Variants in PIBF1 observed in about 807,000 individuals in gnomAD.
The protein encoded by PIBF1 is progesterone-induced-blocking factor 1.
In PIBF1, 90 loss-of-function variants were observed where a neutral mutation model predicts 112.5. That is an observed-to-expected ratio of 0.80 (90% CI 0.67 to 0.95). The LOEUF is 0.95. Ranked by LOEUF, PIBF1 falls within the 40% of genes least tolerant of loss-of-function variation. The probability of loss-of-function intolerance (pLI) is 0.00; values close to 1 mark genes in which losing one functional copy is unlikely to be tolerated. For synonymous variants in PIBF1, 301 were observed against 288.6 expected (o/e 1.04, Z -0.44); for missense variants, 915 against 852.3 (o/e 1.07, Z -0.92).
chr13:72,811,365 G>T (rs145925298), intron 5 of PIBF1, among the ~76,000 whole-genome samples: 1,525 of 152,238 alleles, frequency 0.01, 11 homozygotes, highest in Admixed American at 0.024. Flanking sequence ...CACTCTGGGA[G>T]CCCAATGTGG....
At chr13:72,945,056 C>G (rs1466740118) in intron 14 of PIBF1, among the ~76,000 whole-genome samples, 1 of 152,136 alleles carries the variant, frequency 6.6e-6, no homozygotes. Context: ...TCCCTCTCCC[C>G]ATTGCTAGTT....
At chr13:72,910,622 G>A (rs2040862277) in intron 12 of PIBF1, among the ~76,000 whole-genome samples, 1 of 152,114 alleles carries the variant, frequency 6.6e-6, no homozygotes, top group Non-Finnish European at 1.5e-5. Flanking sequence ...GACATATTAA[G>A]TGCTGTATTT....
chr13:72,855,004 T>C (rs1298832969), intron 10 of PIBF1, among the ~76,000 whole-genome samples: 1 of 152,216 alleles, frequency 6.6e-6, no homozygotes, highest in African/African-American at 2.4e-5. Context: ...ACACTTTCAA[T>C]TGTTTGACTG....
Position 72,919,973 on chromosome 13 carries a change from C to T in PIBF1, c.1730+2807C>T, listed in dbSNP as rs558911747. 1.8e-3 allele frequency among the ~76,000 whole-genome samples: 268 copies of T among 151,920 alleles called. 11 individuals are homozygous for T. The South Asian group carries it at 0.053, about 30-fold the overall frequency. On this transcript the variant is annotated intron_variant, in intron 13 of 17. Transcript: ENST00000326291. ...TGGGTGACAGAGTAAGACTCTGTCTCCAAAAAAAGAAAAACAGAAAAGAAA... is the reference window on the plus strand; with the variant it reads ...TGGGTGACAGAGTAAGACTCTGTCTTCAAAAAAAGAAAAACAGAAAAGAAA...
Position 72,874,361 on chromosome 13 carries a change from T to A in PIBF1, c.1323-19423T>A, listed in dbSNP as rs553317008. Reference sequence around the variant, plus strand: ...AGCTGAAACAACTAGTGCATCAAACTAAATTTGAGTTTACACATGCCATGG... The same window carrying A: ...AGCTGAAACAACTAGTGCATCAAACAAAATTTGAGTTTACACATGCCATGG... On this transcript the variant is annotated intron_variant, in intron 10 of 17. Coordinates refer to ENST00000326291, the MANE Select transcript of PIBF1 (RefSeq NM_006346.4). Among the ~76,000 whole-genome samples the A allele has an allele frequency of 3.3e-5, 5 of 152,276 alleles. No homozygotes were observed. The South Asian group carries it at 1.0e-3, about 32-fold the overall frequency.
At chr13:72,916,003 T>C (rs1470626363) in intron 12 of PIBF1, among the ~76,000 whole-genome samples, 1 of 152,210 alleles carries the variant, frequency 6.6e-6, no homozygotes, top group African/African-American at 2.4e-5. Flanking sequence ...TGAAAGTTTT[T>C]ATATGTCAAT....
chr13:72,896,060 A>C (rs1255214199), intron 11 of PIBF1, among the ~76,000 whole-genome samples: 1 of 152,178 alleles, frequency 6.6e-6, no homozygotes, highest in East Asian at 1.9e-4. Flanking sequence ...TAATCCTCCT[A>C]GGCCACCTCC....
intron 10 of PIBF1, among the ~76,000 whole-genome samples, chr13:72,878,510 T>C (rs1238810733): frequency 1.3e-5 from 2 of 152,216 alleles, no homozygotes; most frequent in Non-Finnish European, 2.9e-5. Context: ...GAGCATATGA[T>C]TTTTATTCTT....
chr13:72,831,440 G>A (rs1055935875), intron 8 of PIBF1, among the ~76,000 whole-genome samples: 1 of 152,100 alleles, frequency 6.6e-6, no homozygotes, highest in African/African-American at 2.4e-5. Context: ...CTTTAAATGT[G>A]GCCCAGAGAT....
Position 72,965,303 on chromosome 13 carries a change from G to A in PIBF1, c.1863G>A (p.Gln621=). 1 of 1,611,606 alleles carries A rather than the reference G, an allele frequency of 6.2e-7. No homozygotes were observed. Residue 621 remains glutamine, a synonymous_variant, in exon 15 of 18, where the codon CAG becomes CAA. Coordinates refer to ENST00000326291, the MANE Select transcript of PIBF1 (RefSeq NM_006346.4). ...ELDRANSLLN[Q]TQQPYRYLIE... is the part of the protein sequence containing the mutation. ...ACAGAGCCAATTCGCTATTAAACCA[G>A]ACTCAACAGCCTTACAGGTATCTCA...
chr13:72,895,461 A>G (rs1303320472), intron 11 of PIBF1, among the ~76,000 whole-genome samples: 1 of 151,914 alleles, frequency 6.6e-6, no homozygotes, highest in East Asian at 1.9e-4. Context: ...CTACATAAAT[A>G]AGTGGGAAAA....
chr13:72,985,578 G>A (rs544976778), intron 16 of PIBF1, among the ~76,000 whole-genome samples: 1 of 152,014 alleles, frequency 6.6e-6, no homozygotes, highest in South Asian at 2.1e-4. Context: ...ATATTTGGTG[G>A]CCAGGAGACA....
intron 10 of PIBF1, among the ~76,000 whole-genome samples, chr13:72,856,580 T>C (rs1427214655): frequency 6.6e-6 from 1 of 152,130 alleles, no homozygotes; most frequent in East Asian, 1.9e-4. Flanking sequence ...CAGAGACTTA[T>C]GAATAAATGA....
intron 2 of PIBF1, among the ~76,000 whole-genome samples, chr13:72,786,341 T>A (rs543361006): frequency 6.6e-6 from 1 of 152,344 alleles, no homozygotes; most frequent in African/African-American, 2.4e-5. Flanking sequence ...GTTTTTCTAA[T>A]GTATTTATTC....
At chr13:72,797,278 T>C (rs1304804978) in intron 4 of PIBF1, among the ~76,000 whole-genome samples, 1 of 152,170 alleles carries the variant, frequency 6.6e-6, no homozygotes, top group Non-Finnish European at 1.5e-5. Context: ...TTATCATATA[T>C]TTAGGCATTG....
At chr13:73,000,229 T>G (rs992016095) in intron 17 of PIBF1, among the ~76,000 whole-genome samples, 7 of 152,210 alleles carry the variant, frequency 4.6e-5, no homozygotes, top group African/African-American at 1.4e-4. Flanking sequence ...TAGTTTCTGC[T>G]TACTCATGTT....
intron 12 of PIBF1, among the ~76,000 whole-genome samples, chr13:72,914,323 T>C (rs1014093374): frequency 6.6e-6 from 1 of 152,096 alleles, no homozygotes; most frequent in Non-Finnish European, 1.5e-5. Flanking sequence ...AAAGATTTCA[T>C]CAAGTTGTTA....
rs182724577 is a variant in PIBF1 at position 72,986,732 on chromosome 13, G to A, written c.2050-12090G>A. Among the ~76,000 whole-genome samples the A allele has an allele frequency of 7.6e-3, 1,078 of 142,564 alleles. 46 individuals carry two copies. The highest frequency in any genetic ancestry group is 8.4e-3 in the East Asian group (40 of 4,778). The allele number at this position is 142,564 out of a possible 152,430, so 93.5% of individuals were successfully genotyped here. ...AGAGTCTCGCTCTGTCGCCCAGGCC[G>A]GACTGCGGACTGCAGTGGCGCAATC... On this transcript the variant is annotated intron_variant, in intron 16 of 17. Transcript: ENST00000326291.
Position 72,952,035 on chromosome 13 carries a change from CTTT to C in PIBF1, c.1834-13224_1834-13222del, listed in dbSNP as rs67211238. ...AATTTCTTTCTTTCTTTTCTTTTCT[CTTT>C]TTTTTTTTTTTTTTGAGATGGAGTC... On this transcript the variant is annotated intron_variant, in intron 14 of 17. Transcript: ENST00000326291. Among the ~76,000 whole-genome samples the C allele has an allele frequency of 2.0e-3, 243 of 122,954 alleles. 1 individual carries two copies. The highest frequency in any genetic ancestry group is 9.2e-3 in the Middle Eastern group (2 of 218). 80.7% of individuals were successfully genotyped at this position (122,954 alleles called of 152,430 possible). A position where few individuals can be genotyped will look rare whatever the true frequency, so the allele number is the denominator to read the frequency against.
Sources: allele counts gnomAD v4.1 joint callset (sites outside exome capture counted in the v4.1 genomes callset), GRCh38; gene constraint gnomAD v4.1.1; transcripts MANE v1.5; gene names NCBI Gene and HGNC (gene_info 2026-07-23, HGNC 2026-07-21).